Variants in KHDRBS2 observed in about 807,000 individuals in gnomAD.
KHDRBS2 encodes KH domain-containing, RNA-binding, signal transduction-associated protein 2.
Under a neutral mutation model 44.3 loss-of-function variants are expected in KHDRBS2, and 26 were observed. The ratio of observed to expected loss-of-function variants is 0.59; its 90% CI spans 0.43 to 0.81. The LOEUF is 0.81. KHDRBS2 is among the 40% of genes least tolerant of loss of function. The pLI is 0.00. For missense variants in KHDRBS2, 476 were observed against 433.1 expected (o/e 1.10, Z -0.88); for synonymous variants, 194 against 151.1 (o/e 1.28, Z -2.08).
rs1241367964 is a variant in KHDRBS2, at chr6:61,763,741, T to C, written c.811-30977A>G. Among the ~76,000 whole-genome samples, 38 of 152,350 alleles carry C rather than the reference T, an allele frequency of 2.5e-4. No individual in the cohort carries two copies. In the South Asian group the frequency reaches 7.9e-3, roughly 32 times the overall value. ...CTTATGTGGAATCCTTAAGTCATTT[T>C]ATGATTGTCCTTCCACAATGACCAA... On this transcript the variant is annotated intron_variant, in intron 6 of 8. Coordinates refer to ENST00000281156, the MANE Select transcript of KHDRBS2 (RefSeq NM_152688.4).
At chr6:61,654,721 T>G in the KHDRBS2 span, among the ~76,000 whole-genome samples, 1 of 151,154 alleles carries the variant, frequency 6.6e-6, no homozygotes, top group South Asian at 2.1e-4. Flanking sequence ...CAGGAGCAAG[T>G]CGTAACTAAC....
chr6:61,567,857 C>T, the KHDRBS2 span, among the ~76,000 whole-genome samples: 1 of 151,838 alleles, frequency 6.6e-6, no homozygotes, highest in Non-Finnish European at 1.5e-5. Context: ...ATATAGTAGC[C>T]TTTTTGGATG....
At chr6:62,096,994 T>C (rs1800750787) in intron 2 of KHDRBS2, among the ~76,000 whole-genome samples, 1 of 151,938 alleles carries the variant, frequency 6.6e-6, no homozygotes, top group Admixed American at 6.6e-5. Context: ...ATTTACCTAT[T>C]GGTTGGTCAG....
chr6:61,762,947 G>T (rs1779491582), intron 6 of KHDRBS2, among the ~76,000 whole-genome samples: 1 of 152,118 alleles, frequency 6.6e-6, no homozygotes, highest in Non-Finnish European at 1.5e-5. Flanking sequence ...AGGAATGAGG[G>T]GTAGAGAGAA....
intron 4 of KHDRBS2, among the ~76,000 whole-genome samples, chr6:61,944,442 G>GT (rs1812792221): frequency 6.6e-6 from 1 of 150,878 alleles, no homozygotes; most frequent in Admixed American, 6.6e-5. Flanking sequence ...TATGTGCAAG[G>GT]TAAAAAAAAA....
intron 2 of KHDRBS2, among the ~76,000 whole-genome samples, chr6:62,157,488 A>G (rs1183960779): frequency 6.6e-6 from 1 of 152,190 alleles, no homozygotes. Context: ...TTAAAATTAA[A>G]CCAGTTTTTG....
chr6:62,076,016 T>C (rs1796266831), intron 2 of KHDRBS2, among the ~76,000 whole-genome samples: 1 of 151,856 alleles, frequency 6.6e-6, no homozygotes, highest in African/African-American at 2.4e-5. Context: ...GTGGTATGGA[T>C]GCGTTTGAAT....
chr6:62,069,574 T>C (rs1368762618), intron 2 of KHDRBS2, among the ~76,000 whole-genome samples: 1 of 151,750 alleles, frequency 6.6e-6, no homozygotes, highest in African/African-American at 2.4e-5. Context: ...TTTAACAAAA[T>C]GAAAAATACA....
At chr6:62,089,268 C>CCA (rs770771171) in intron 2 of KHDRBS2, among the ~76,000 whole-genome samples, 2 of 111,962 alleles carry the variant, frequency 1.8e-5, no homozygotes, top group South Asian at 3.0e-4. Context: ...CACTGGGTTA[C>CCA]AAAAAAAAAA....
the KHDRBS2 span, among the ~76,000 whole-genome samples, chr6:61,602,748 G>A: frequency 6.6e-6 from 1 of 152,076 alleles, no homozygotes; most frequent in Non-Finnish European, 1.5e-5. Context: ...ACTGTTGTGG[G>A]TATTGATGGC....
At chr6:61,943,122 G>GAAAGAAAA (rs1207554329) in intron 4 of KHDRBS2, among the ~76,000 whole-genome samples, 2 of 139,038 alleles carry the variant, frequency 1.4e-5, no homozygotes, top group African/African-American at 5.2e-5. Context: ...AAAGAAAAAA[G>GAAAGAAAA]AAAAGAAAGA....
intron 2 of KHDRBS2, among the ~76,000 whole-genome samples, chr6:62,078,332 T>C (rs1179073399): frequency 6.6e-6 from 1 of 152,050 alleles, no homozygotes; most frequent in Non-Finnish European, 1.5e-5. Context: ...ATGTGTCTCA[T>C]CTCTTATTTT....
intron 6 of KHDRBS2, among the ~76,000 whole-genome samples, chr6:61,789,130 T>A (rs550634229): frequency 2.0e-5 from 3 of 151,590 alleles, no homozygotes; most frequent in African/African-American, 7.2e-5. Flanking sequence ...CATCTAATAA[T>A]CTTCAAAATA....
intron 6 of KHDRBS2, among the ~76,000 whole-genome samples, chr6:61,853,002 C>T (rs1373955289): frequency 1.3e-5 from 2 of 152,316 alleles, no homozygotes; most frequent in South Asian, 2.1e-4. Flanking sequence ...TCCATCTTCA[C>T]ACAACCACAC....
At chr6:61,699,941 G>T (rs1370076978) in intron 7 of KHDRBS2, among the ~76,000 whole-genome samples, 5 of 151,948 alleles carry the variant, frequency 3.3e-5, no homozygotes, top group African/African-American at 1.2e-4. Flanking sequence ...AATGGCATTG[G>T]CTGGAATCTG....
At chr6:61,677,616 A>C (rs1316377170), downstream of KHDRBS2, among the ~76,000 whole-genome samples, 1 of 151,908 alleles carries the variant, frequency 6.6e-6, no homozygotes, top group Non-Finnish European at 1.5e-5. Flanking sequence ...CTCATTCTTT[A>C]CTTCAAACCT....
At chr6:61,951,369 A>T (rs1246726297) in intron 4 of KHDRBS2, among the ~76,000 whole-genome samples, 1 of 152,046 alleles carries the variant, frequency 6.6e-6, no homozygotes, top group Non-Finnish European at 1.5e-5. Flanking sequence ...GTAACTGGAC[A>T]ATTTATACTT....
intron 3 of KHDRBS2, among the ~76,000 whole-genome samples, chr6:62,027,598 C>T (rs895547795): frequency 1.2e-4 from 19 of 152,010 alleles, no homozygotes; most frequent in Non-Finnish European, 2.8e-4. Context: ...TTGGCTTTTC[C>T]AGCCTTACTC....
chr6:61,866,898 G>A (rs1189018303), intron 6 of KHDRBS2, among the ~76,000 whole-genome samples: 11 of 152,136 alleles, frequency 7.2e-5, no homozygotes, highest in Non-Finnish European at 1.3e-4. Context: ...GATAATCTCA[G>A]CCTGGACTTT....
Sources: gnomAD v4.1 joint callset for allele counts (sites outside exome capture counted in the v4.1 genomes callset) on GRCh38, gnomAD v4.1.1 for gene constraint, MANE v1.5 for transcripts, NCBI Gene and HGNC (gene_info 2026-07-23, HGNC 2026-07-21) for gene names.